DSCAML1: variants seen among roughly 807,000 people sequenced by gnomAD.
DSCAML1 encodes DS cell adhesion molecule like 1, also known as cell adhesion molecule DSCAML1.
DSCAML1 carries 38 observed loss-of-function variants against 200.5 expected under a neutral mutation model. The ratio of observed to expected loss-of-function variants is 0.19; its 90% CI spans 0.15 to 0.25. DSCAML1 has a LOEUF of 0.25. Ranked by LOEUF, DSCAML1 falls within the 10% of genes least tolerant of loss-of-function variation. DSCAML1 has a pLI of 1.00. For missense variants in DSCAML1, 2,223 were observed against 2,858.8 expected, an observed-to-expected ratio of 0.78 and a Z score of 5.07; for synonymous variants, 1,215 against 1,165.0, an observed-to-expected ratio of 1.04 and a Z score of -0.87.
intron 11 of DSCAML1, among the ~76,000 whole-genome samples, chr11:117,483,921 A>G (rs984462075): frequency 6.6e-6 from 1 of 151,394 alleles, no homozygotes; most frequent in African/African-American, 2.4e-5. Context: ...ACCTCTTGTC[A>G]CAGCAGAGAC....
intron 3 of DSCAML1, among the ~76,000 whole-genome samples, chr11:117,729,803 T>G (rs61903853): frequency 0.033 from 5,011 of 152,306 alleles, 107 homozygotes; most frequent in Middle Eastern, 0.051. Flanking sequence ...GGTGAATATG[T>G]TAGCTTATCT....
At chr11:117,600,256 A>G (rs1331804123) in intron 3 of DSCAML1, among the ~76,000 whole-genome samples, 2 of 152,180 alleles carry the variant, frequency 1.3e-5, no homozygotes, top group African/African-American at 4.8e-5. Context: ...TGTAGCACAC[A>G]GGGAGGATCT....
intron 3 of DSCAML1, among the ~76,000 whole-genome samples, chr11:117,711,774 A>T (rs1317161846): frequency 6.6e-6 from 1 of 152,182 alleles, no homozygotes; most frequent in Non-Finnish European, 1.5e-5. Context: ...ACTTCTCCTT[A>T]CAACTGGCCT....
chr11:117,626,698 A>T (rs1021588955), intron 3 of DSCAML1, among the ~76,000 whole-genome samples: 1 of 152,080 alleles, frequency 6.6e-6, no homozygotes. Flanking sequence ...TTTTCCCATC[A>T]TCATTGCAGG....
chr11:117,641,552 G>A (rs947336150), intron 3 of DSCAML1, among the ~76,000 whole-genome samples: 6 of 152,224 alleles, frequency 3.9e-5, no homozygotes, highest in East Asian at 3.8e-4. Flanking sequence ...TGACTGTGGA[G>A]GCTTTGTAAT....
At chr11:117,515,314 A>T (rs1482163657) in intron 8 of DSCAML1, among the ~76,000 whole-genome samples, 3 of 152,110 alleles carry the variant, frequency 2.0e-5, no homozygotes, top group Non-Finnish European at 4.4e-5. Context: ...TCCTTAGTCA[A>T]GCCTGGGGGT....
At chr11:117,719,746 C>T (rs767818937) in intron 3 of DSCAML1, among the ~76,000 whole-genome samples, 20 of 152,202 alleles carry the variant, frequency 1.3e-4, no homozygotes, top group Admixed American at 2.6e-4. Context: ...CCTGAGTGGT[C>T]TCTAATTCCA....
chr11:117,669,079 A>G (rs1283406168), intron 3 of DSCAML1, among the ~76,000 whole-genome samples: 1 of 152,120 alleles, frequency 6.6e-6, no homozygotes, highest in East Asian at 1.9e-4. Context: ...GTTTATTCCT[A>G]TTGATTTCTA....
At chr11:117,445,605 G>A (rs4936378) in intron 20 of DSCAML1, among the ~76,000 whole-genome samples, 42,226 of 152,190 alleles carry the variant, frequency 0.28, 6,408 homozygotes, top group South Asian at 0.37. Context: ...AGGCAGGGGT[G>A]TGCACGTCCT....
intron 23 of DSCAML1, 24 bp downstream of exon 23, chr11:117,439,242 G>A (rs779932029): frequency 3.7e-6 from 6 of 1,612,694 alleles, no homozygotes; most frequent in Non-Finnish European, 5.1e-6. Flanking sequence ...CCCACCTGGG[G>A]TCACCTGCCT....
At chr11:117,761,042 T>C (rs553768084) in intron 3 of DSCAML1, among the ~76,000 whole-genome samples, 39 of 152,250 alleles carry the variant, frequency 2.6e-4, no homozygotes, top group African/African-American at 9.1e-4. Flanking sequence ...AGAGGTCACA[T>C]CTGGATACTT....
chr11:117,777,565 T>C (rs1565278772), intron 2 of DSCAML1, among the ~76,000 whole-genome samples: 1 of 152,224 alleles, frequency 6.6e-6, no homozygotes, highest in Non-Finnish European at 1.5e-5. Context: ...CGATTGTCTC[T>C]GAGCACACAG....
intron 3 of DSCAML1, among the ~76,000 whole-genome samples, chr11:117,539,811 T>G (rs1016986559): frequency 3.9e-5 from 6 of 152,112 alleles, no homozygotes; most frequent in South Asian, 2.1e-4. Flanking sequence ...GGGAGAGAGA[T>G]ATTTGCACAC....
intron 3 of DSCAML1, among the ~76,000 whole-genome samples, chr11:117,739,088 C>T (rs2054375804): frequency 6.6e-6 from 1 of 152,148 alleles, no homozygotes. Context: ...CCAAATAATA[C>T]CTCAGGGTAA....
At chr11:117,595,150 G>A (rs1336809488) in intron 3 of DSCAML1, among the ~76,000 whole-genome samples, 2 of 151,840 alleles carry the variant, frequency 1.3e-5, no homozygotes, top group African/African-American at 4.8e-5. Flanking sequence ...GGCTACAGAA[G>A]CACTTTAATG....
chr11:117,778,273 G>A (rs2055168572), intron 2 of DSCAML1, among the ~76,000 whole-genome samples: 1 of 152,196 alleles, frequency 6.6e-6, no homozygotes, highest in South Asian at 2.1e-4. Context: ...AAAGGTTTGG[G>A]CAGAGCCCTG....
intron 3 of DSCAML1, among the ~76,000 whole-genome samples, chr11:117,623,535 T>G (rs887482961): frequency 2.0e-5 from 3 of 152,266 alleles, no homozygotes; most frequent in Admixed American, 2.0e-4. Flanking sequence ...AAACTTGCAG[T>G]GGAAGGCCCC....
intron 15 of DSCAML1, among the ~76,000 whole-genome samples, chr11:117,470,376 C>G (rs1000890136): frequency 6.6e-6 from 1 of 152,046 alleles, no homozygotes; most frequent in East Asian, 1.9e-4. Flanking sequence ...GAGATCGAGA[C>G]CATCCTGGCT....
At chr11:117,720,785 A>C (rs996382655) in intron 3 of DSCAML1, among the ~76,000 whole-genome samples, 5 of 152,328 alleles carry the variant, frequency 3.3e-5, no homozygotes, top group Admixed American at 1.3e-4. Flanking sequence ...TAAATGAGAG[A>C]ATTCCTGCAA....
Sources: allele counts gnomAD v4.1 joint callset (sites outside exome capture counted in the v4.1 genomes callset), GRCh38; gene constraint gnomAD v4.1.1; transcripts MANE v1.5; gene names NCBI Gene and HGNC (gene_info 2026-07-23, HGNC 2026-07-21).